The following VAV3 variants were observed in gnomAD, a reference collection of about 807,000 sequenced individuals.
VAV3 encodes the protein guanine nucleotide exchange factor VAV3.
Under a neutral mutation model 131.2 loss-of-function variants are expected in VAV3, and 94 were observed. The observed-to-expected ratio is 0.72, with a 90% confidence interval of 0.61 to 0.85. The LOEUF (loss-of-function observed/expected upper bound fraction) is 0.85. VAV3 is among the 40% of genes least tolerant of loss of function. The pLI is 0.00. For synonymous variants in VAV3, 349 were observed against 342.0 expected (o/e 1.02, Z -0.22); for missense variants, 939 against 1,002.7 (o/e 0.94, Z 0.86).
intron 1 of VAV3, among the ~76,000 whole-genome samples, chr1:107,889,511 A>AACCAGGACAATGGTAG: frequency 6.6e-6 from 1 of 152,204 alleles, no homozygotes; most frequent in Non-Finnish European, 1.5e-5. Flanking sequence ...ATCTGTGGTG[A>AACCAGGACAATGGTAG]ACCAGGACAA....
rs556199709 is a variant in VAV3 at position 107,678,085 on chromosome 1, T to C, written c.1777+5403A>G. 5.3e-5 allele frequency: 8 copies of C among 152,272 alleles called. No homozygotes were observed. In the South Asian group the frequency reaches 1.7e-3, roughly 32 times the overall value. 9.4% of individuals were successfully genotyped at this position (152,272 alleles called of 1,614,324 possible). On this transcript the variant is annotated intron_variant, in intron 19 of 26. Transcript: ENST00000370056. ...ATCAACTGTCCTAGTGCAAAACTAG[T>C]CTTATTGTCCATGGTTTCATAGAAG...
intron 1 of VAV3, among the ~76,000 whole-genome samples, chr1:107,922,653 T>C (rs1672954747): frequency 6.6e-6 from 1 of 152,106 alleles, no homozygotes; most frequent in Admixed American, 6.5e-5. Flanking sequence ...AAATTGCACA[T>C]ATTAAAGAGC....
intron 21 of VAV3, among the ~76,000 whole-genome samples, chr1:107,612,815 GC>G (rs1403713804): frequency 1.3e-5 from 2 of 152,058 alleles, no homozygotes; most frequent in Admixed American, 1.3e-4. Context: ...TGCTGAGACT[GC>G]TTTAAACTCA....
chr1:107,766,411 A>C lies in VAV3; in HGVS notation c.821+36T>G, dbSNP rs1383112898. 6 of 1,410,256 alleles carry C rather than the reference A, an allele frequency of 4.3e-6. No homozygotes were observed. The African/African-American group carries it at 8.5e-5, about 20-fold the overall frequency. 87.4% of individuals were successfully genotyped at this position (1,410,256 alleles called of 1,614,324 possible). On this transcript the variant is annotated intron_variant, in intron 8 of 26. Coordinates refer to ENST00000370056, the MANE Select transcript of VAV3 (RefSeq NM_006113.5). ...AATACTAATCCTCACTATAATTACA[A>C]GCTAAGACCCACAAAACTTAAACTT...
At chr1:107,670,079 A>T (rs1041961603) in intron 19 of VAV3, among the ~76,000 whole-genome samples, 1 of 152,212 alleles carries the variant, frequency 6.6e-6, no homozygotes, top group African/African-American at 2.4e-5. Context: ...GAGTATTTTC[A>T]TCTCCATTTT....
chr1:107,755,307 A>T, intron 12 of VAV3, 120 bp downstream of exon 12: 1 of 746,820 alleles, frequency 1.3e-6, no homozygotes. Flanking sequence ...AAACAAAGGG[A>T]CTGGCAACAA....
At chr1:107,820,041 T>C (rs1023451136) in intron 2 of VAV3, among the ~76,000 whole-genome samples, 2 of 152,122 alleles carry the variant, frequency 1.3e-5, no homozygotes, top group Non-Finnish European at 2.9e-5. Context: ...ATATGGAGAA[T>C]AGTAAGAGGA....
intron 9 of VAV3, among the ~76,000 whole-genome samples, chr1:107,764,063 A>G (rs1664590812): frequency 7.1e-6 from 1 of 139,992 alleles, no homozygotes; most frequent in Non-Finnish European, 1.5e-5. Context: ...AAGTCCTCGA[A>G]CTCCTCTTCA....
At chr1:107,831,897 C>T (rs751553369) in intron 2 of VAV3, among the ~76,000 whole-genome samples, 25 of 152,168 alleles carry the variant, frequency 1.6e-4, no homozygotes, top group Non-Finnish European at 2.8e-4. Context: ...TGTAAAATTG[C>T]ACCACATTTG....
chr1:107,807,670 T>TA (rs1667120398), intron 2 of VAV3, among the ~76,000 whole-genome samples: 1 of 152,224 alleles, frequency 6.6e-6, no homozygotes, highest in African/African-American at 2.4e-5. Context: ...TCCTACCTCC[T>TA]AAGTCTGACT....
intron 2 of VAV3, among the ~76,000 whole-genome samples, chr1:107,812,442 T>G (rs185139039): frequency 0.02 from 3,017 of 152,252 alleles, 91 homozygotes; most frequent in African/African-American, 0.069. Context: ...ATTATCATTT[T>G]TTAAGCTGAT....
At chr1:107,957,704 G>C (rs1674883281) in intron 1 of VAV3, among the ~76,000 whole-genome samples, 1 of 152,156 alleles carries the variant, frequency 6.6e-6, no homozygotes, top group African/African-American at 2.4e-5. Context: ...GGTGTGGTGA[G>C]AGTAAAGGGA....
At chr1:107,628,812 A>G (rs575660422) in intron 20 of VAV3, among the ~76,000 whole-genome samples, 1 of 152,314 alleles carries the variant, frequency 6.6e-6, no homozygotes, top group South Asian at 2.1e-4. Flanking sequence ...AATTTTATAA[A>G]CAGGTCATAA....
At chr1:107,924,911 A>G (rs1673079887) in intron 1 of VAV3, among the ~76,000 whole-genome samples, 1 of 152,248 alleles carries the variant, frequency 6.6e-6, no homozygotes. Flanking sequence ...TTAGTTCTAT[A>G]CACAACAGAA....
chr1:107,681,604 TG>T (rs1658613917), intron 19 of VAV3, among the ~76,000 whole-genome samples: 1 of 151,416 alleles, frequency 6.6e-6, no homozygotes, highest in Admixed American at 6.6e-5. Context: ...TCCAAAAATA[TG>T]GAAAAAGGAA....
chr1:107,789,944 T>A (rs986404055), intron 2 of VAV3, among the ~76,000 whole-genome samples: 1 of 152,170 alleles, frequency 6.6e-6, no homozygotes, highest in African/African-American at 2.4e-5. Context: ...ATGTGGTTAA[T>A]AGCAACCATA....
At chr1:107,579,498 C>G (rs1649885049) in intron 25 of VAV3, among the ~76,000 whole-genome samples, 1 of 152,152 alleles carries the variant, frequency 6.6e-6, no homozygotes, top group Admixed American at 6.6e-5. Flanking sequence ...ACCGTTCAGC[C>G]CTCCTTGTCG....
chr1:107,663,933 T>A (rs1027136694), intron 19 of VAV3, among the ~76,000 whole-genome samples: 1 of 152,142 alleles, frequency 6.6e-6, no homozygotes, highest in Non-Finnish European at 1.5e-5. Context: ...TATTAATTGT[T>A]CTTATGATAT....
intron 19 of VAV3, among the ~76,000 whole-genome samples, chr1:107,663,554 T>C (rs1657193397): frequency 6.6e-6 from 1 of 152,130 alleles, no homozygotes; most frequent in Non-Finnish European, 1.5e-5. Flanking sequence ...GCTAGAAGAA[T>C]GTAATAAGCA....
Sources: gnomAD v4.1 joint callset for allele counts (sites outside exome capture counted in the v4.1 genomes callset) on GRCh38, gnomAD v4.1.1 for gene constraint, MANE v1.5 for transcripts, NCBI Gene and HGNC (gene_info 2026-07-23, HGNC 2026-07-21) for gene names.